The following BPIFB6 variants were observed in gnomAD, a reference collection of about 807,000 sequenced individuals.
BPIFB6 encodes BPI fold containing family B member 6.
A neutral mutation model predicts 54.7 loss-of-function variants in BPIFB6; 47 were observed. The observed-to-expected ratio is 0.86, with a 90% confidence interval of 0.68 to 1.10. BPIFB6 has a LOEUF of 1.10. Ranked by LOEUF, BPIFB6 falls within the 50% of genes least tolerant of loss-of-function variation. BPIFB6 has a pLI of 0.00. For missense variants in BPIFB6, 603 were observed against 564.1 expected (o/e 1.07, Z -0.70); for synonymous variants, 255 against 225.9 (o/e 1.13, Z -1.16).
intron 10 of BPIFB6, 54 bp from the exon 11 acceptor site, chr20:33,040,197 C>T: frequency 6.5e-7 from 1 of 1,540,702 alleles, no homozygotes. Context: ...GCTTTGCCAG[C>T]CCTGATGGTG....
intron 6 of BPIFB6, 85 bp downstream of exon 6, chr20:33,035,757 C>G: frequency 7.2e-7 from 1 of 1,392,494 alleles, no homozygotes; most frequent in Non-Finnish European, 1.0e-6. Flanking sequence ...CATCCTAGTG[C>G]CTGCTTCCAG....
chr20:33,041,608 G>T (rs1406675565), intron 11 of BPIFB6, among the ~76,000 whole-genome samples: 2 of 152,120 alleles, frequency 1.3e-5, no homozygotes, highest in Non-Finnish European at 2.9e-5. Context: ...GACGGGGCTG[G>T]GGGAAGGGCT....
At chr20:33,036,647 GC>G in intron 7 of BPIFB6, 111 bp downstream of exon 7, 1 of 1,023,336 alleles carries the variant, frequency 9.8e-7, no homozygotes, top group Non-Finnish European at 1.5e-6. Flanking sequence ...AGGGAGGGAG[GC>G]CCCTCAAGCC....
At chr20:33,031,799 G>A in intron 1 of BPIFB6, 55 bp downstream of exon 1, 2 of 1,477,584 alleles carry the variant, frequency 1.4e-6, no homozygotes, top group Non-Finnish European at 1.9e-6. Flanking sequence ...TGGGGTAGGT[G>A]GTAGGTAGTC....
At chr20:33,040,145 G>A in intron 10 of BPIFB6, 106 bp from the exon 11 acceptor site, 3 of 1,011,834 alleles carry the variant, frequency 3.0e-6, no homozygotes, top group Non-Finnish European at 4.6e-6. Flanking sequence ...CCCCTGCTTT[G>A]TCTTGGCAAT....
At chr20:33,034,151 A>C in intron 2 of BPIFB6, 35 bp from the exon 3 acceptor site, 3 of 1,511,526 alleles carry the variant, frequency 2.0e-6, no homozygotes, top group Non-Finnish European at 2.8e-6. Flanking sequence ...TTGCCTGCTC[A>C]GATCTTATTG....
Position 33,039,461 on chromosome 20 carries a change from G to A in BPIFB6, c.1015G>A (p.Glu339Lys). The A allele has an allele frequency of 6.2e-7, 1 of 1,614,190 alleles. No homozygotes were observed. Among genetic ancestry groups the A allele is most frequent in the Non-Finnish European group, 8.5e-7 (1 of 1,180,012 alleles). ...CCTGCTGCACCTCCACAGCACCCTG[G>A]AGATGTTCGCAGCTCGGTGGCGGAG... Reference protein sequence around the residue: ...KSLLHLHSTLEMFAARWRSKA... With the variant: ...KSLLHLHSTLKMFAARWRSKA... Residue 339 changes from glutamate (E) to lysine (K), a missense_variant, in exon 10 of 15, where the codon GAG becomes AAG. Glu to Lys is a moderately conservative substitution (Grantham distance 56). Transcript: ENST00000349552.
At chr20:33,034,504 G>A (rs752425955) in intron 3 of BPIFB6, among the ~76,000 whole-genome samples, 38 of 152,294 alleles carry the variant, frequency 2.5e-4, no homozygotes, top group Non-Finnish European at 4.0e-4. Flanking sequence ...CAGTGGTGGC[G>A]GATGGTCAGA....
chr20:33,034,873 AGGT>A lies in BPIFB6; in HGVS notation c.414_416del (p.Glu138_Val139delinsAsp). ...CCCGTGTTCAAGAGTGAGGGCTGTG[AGGT>A]CATCCTGGTCAATGTGAAGACTAAC... On this transcript the variant is annotated inframe_deletion, in exon 4 of 15. Transcript: ENST00000349552. 1.2e-6 allele frequency: 2 copies of A among 1,613,442 alleles called. No homozygotes were observed. The highest frequency in any genetic ancestry group is 1.7e-6 in the Non-Finnish European group (2 of 1,179,486).
chr20:33,037,831 G>A (rs1470741578), intron 8 of BPIFB6, 93 bp downstream of exon 8: 2 of 1,411,446 alleles, frequency 1.4e-6, no homozygotes, highest in Non-Finnish European at 2.0e-6. Context: ...TCCTGGCCTT[G>A]TGGGCAACAC....
At chr20:33,041,822 C>T (rs1979598189) in intron 11 of BPIFB6, 148 bp from the exon 12 acceptor site, 3 of 657,242 alleles carry the variant, frequency 4.6e-6, no homozygotes, top group Non-Finnish European at 8.0e-6. Flanking sequence ...CAAGCAGACT[C>T]AGGAGCACCT....
At chr20:33,038,811 G>T in intron 8 of BPIFB6, 98 bp from the exon 9 acceptor site, 2 of 1,139,584 alleles carry the variant, frequency 1.8e-6, no homozygotes, top group South Asian at 2.5e-5. Context: ...GTGATGAAGG[G>T]AGCCTCAAAG....
chr20:33,036,519 A>T lies in BPIFB6; in HGVS notation c.652A>T (p.Ile218Phe), dbSNP rs756066193. The T allele has an allele frequency of 6.2e-7, 1 of 1,614,204 alleles. No homozygotes were observed. The highest frequency in any genetic ancestry group is 8.5e-7 in the Non-Finnish European group (1 of 1,180,014). Reference sequence around the variant, plus strand: ...CGCACCAGCCACCACAGCCAGCTACATCCAACTGGACTTCAGTGTAAGCGC... The same window carrying T: ...CGCACCAGCCACCACAGCCAGCTACTTCCAACTGGACTTCAGTGTAAGCGC... Reference protein sequence around the residue: ...MSAPATTASYIQLDFSPVVQQ... With the variant: ...MSAPATTASYFQLDFSPVVQQ... The change falls in exon 7 of 15, where the codon ATC becomes TTC. Residue 218 changes from isoleucine (I) to phenylalanine (F), a missense_variant. Ile to Phe is a conservative substitution (Grantham distance 21). Transcript: ENST00000349552.
At chr20:33,039,008 A>G (rs760060028) in intron 9 of BPIFB6, 46 bp downstream of exon 9, 8 of 1,595,158 alleles carry the variant, frequency 5.0e-6, no homozygotes, top group Non-Finnish European at 6.9e-6. Context: ...GTCCTGCCCT[A>G]TTGTCCTCCA....
Position 33,038,930 on chromosome 20 carries a change from A to T in BPIFB6, c.868A>T (p.Thr290Ser). ...GTAGATTGGTGAGCTGCCCCCACAAACCACCAAGACCCTGGCTCGCTTCAT... is the reference window on the plus strand; with the variant it reads ...GTAGATTGGTGAGCTGCCCCCACAATCCACCAAGACCCTGGCTCGCTTCAT... ...DTMIGELPPQ[T>S]TKTLARFIPE... Residue 290 changes from threonine (T) to serine (S), a missense_variant, in exon 9 of 15, where the codon ACC (threonine) becomes TCC (serine). Transcript: ENST00000349552. 1 of 1,613,648 alleles carries T rather than the reference A, an allele frequency of 6.2e-7. No individual in the cohort carries two copies. The highest frequency in any genetic ancestry group is 1.6e-4 in the Middle Eastern group (1 of 6,062).
In BPIFB6 at chr20:33,039,404, C is replaced by G. The variant is rs778835815; in HGVS notation, c.958C>G (p.Pro320Ala). The G allele has an allele frequency of 1.3e-5, 21 of 1,614,022 alleles. No homozygotes were observed. In the South Asian group the frequency reaches 1.9e-4, roughly 14 times the overall value. Residue 320 changes from proline (P) to alanine (A), a missense_variant, in exon 10 of 15, where the codon CCT becomes GCT. Coordinates refer to ENST00000349552, the MANE Select transcript of BPIFB6 (RefSeq NM_174897.2). ...PLTTQIKIKKPPKVTMKTGKS... is the reference protein window; with the variant it reads ...PLTTQIKIKKAPKVTMKTGKS... ...GACGACCCAGATCAAGATAAAGAAGCCTCCCAAGGTCACTATGAAGACAGG... is the reference window on the plus strand; with the variant it reads ...GACGACCCAGATCAAGATAAAGAAGGCTCCCAAGGTCACTATGAAGACAGG...
rs932985124 is a variant in BPIFB6 at position 33,034,876 on chromosome 20, T to C, written c.416T>C (p.Val139Ala). ...GTGTTCAAGAGTGAGGGCTGTGAGG[T>C]CATCCTGGTCAATGTGAAGACTAAC... ...LPVFKSEGCE[V>A]ILVNVKTNLP... Residue 139 changes from valine (V) to alanine (A), a missense_variant, in exon 4 of 15, where the codon GTC becomes GCC. Physicochemically the swap from Val to Ala is moderately conservative, Grantham distance 64. Coordinates refer to ENST00000349552, the MANE Select transcript of BPIFB6 (RefSeq NM_174897.2). The C allele has an allele frequency of 3.1e-6, 5 of 1,612,802 alleles. No homozygotes were observed. Among genetic ancestry groups the C allele is most frequent in the Non-Finnish European group, 4.2e-6 (5 of 1,179,126 alleles).
At chr20:33,035,969 G>A (rs541403000) in intron 6 of BPIFB6, among the ~76,000 whole-genome samples, 6 of 152,214 alleles carry the variant, frequency 3.9e-5, no homozygotes, top group South Asian at 2.1e-4. Flanking sequence ...TAGTAATCCC[G>A]ATGGTAGTAA....
In BPIFB6 at chr20:33,034,357, T is replaced by C. The variant is rs112991522; in HGVS notation, c.302+67T>C. The stretch of plus-strand genomic sequence containing the variant: ...TTCCTGTCTCATCCTTACATGCACA[T>C]ATATTGAGTGCCTACTGTGTACCAT... On this transcript the variant is annotated intron_variant, in intron 3 of 14. Transcript: ENST00000349552. 1.2e-3 allele frequency: 1,310 copies of C among 1,051,278 alleles called. 10 individuals carry two copies. In the African/African-American group the frequency reaches 0.018, roughly 14 times the overall value. The allele number at this position is 1,051,278 out of a possible 1,614,324, so 65.1% of individuals were successfully genotyped here.
Sources: allele counts gnomAD v4.1 joint callset (sites outside exome capture counted in the v4.1 genomes callset), GRCh38; gene constraint gnomAD v4.1.1; transcripts MANE v1.5; gene names NCBI Gene and HGNC (gene_info 2026-07-23, HGNC 2026-07-21).